FAM76A: variants seen among roughly 807,000 people sequenced by gnomAD.
The protein encoded by FAM76A is protein FAM76A.
A neutral mutation model predicts 46.2 loss-of-function variants in FAM76A; 32 were observed. The ratio of observed to expected loss-of-function variants is 0.69; its 90% confidence interval spans 0.52 to 0.93. FAM76A has a LOEUF of 0.93. Among genes scored for constraint, FAM76A ranks in the 40% least tolerant of loss-of-function variants. The pLI, the probability that FAM76A is intolerant of heterozygous loss-of-function variation, is 0.00. For synonymous variants in FAM76A, 137 were observed against 127.0 expected, an observed-to-expected ratio of 1.08 and a Z score of -0.53; for missense variants, 274 against 361.5, an observed-to-expected ratio of 0.76 and a Z score of 1.96.
chr1:27,726,260 G>A, intron 1 of FAM76A, 99 bp downstream of exon 1: 1 of 1,083,778 alleles, frequency 9.2e-7, no homozygotes, highest in Non-Finnish European at 1.2e-6. Flanking sequence ...CCCGGAGCAG[G>A]GTGTGGCAGG....
Position 27,759,551 on chromosome 1 carries a change from A to C in FAM76A, c.761A>C (p.Gln254Pro). Residue 254 changes from glutamine (Q) to proline (P), a missense_variant, in exon 8 of 9, where the codon CAG becomes CCG. Coordinates refer to ENST00000373954, the MANE Select transcript of FAM76A (RefSeq NM_152660.3). Reference sequence around the variant, plus strand: ...ATTACAGAGTTGAAGGCTGATTTTCAGTACCAGGAATCGCAGATGAGAGCC... The same window carrying C: ...ATTACAGAGTTGAAGGCTGATTTTCCGTACCAGGAATCGCAGATGAGAGCC... ...KKITELKADF[Q>P]YQESQMRAKM... The C allele has an allele frequency of 6.2e-7, 1 of 1,613,338 alleles. No homozygotes were observed. The highest frequency in any genetic ancestry group is 8.5e-7 in the Non-Finnish European group (1 of 1,179,712).
chr1:27,745,412 A>G (rs923148977), intron 5 of FAM76A, among the ~76,000 whole-genome samples: 2 of 152,122 alleles, frequency 1.3e-5, no homozygotes, highest in African/African-American at 4.8e-5. Flanking sequence ...GATTGTTTTT[A>G]TAACTGGCAT....
chr1:27,746,083 TA>T lies in FAM76A; in HGVS notation c.512+1275del, dbSNP rs75222472. 0.021 allele frequency among the ~76,000 whole-genome samples: 3,121 copies of T among 152,236 alleles called. 201 individuals are homozygous for T. In the East Asian group the frequency reaches 0.25, roughly 12 times the overall value. ...GAGGAAAAAGGGACTGGGGGCTAAT[TA>T]AAGGCTTTTTTCTAAGAGTTTGGGT... On this transcript the variant is annotated intron_variant, in intron 5 of 8. Coordinates refer to ENST00000373954, the MANE Select transcript of FAM76A (RefSeq NM_152660.3).
chr1:27,727,434 T>C, intron 1 of FAM76A, 38 bp from the exon 2 acceptor site: 4 of 1,581,286 alleles, frequency 2.5e-6, no homozygotes, highest in Non-Finnish European at 3.5e-6. Context: ...TTTCCATTTG[T>C]GACTGCCTTT....
intron 4 of FAM76A, chr1:27,739,352 A>G (rs762495294): frequency 3.0e-5 from 16 of 527,070 alleles, no homozygotes; most frequent in Non-Finnish European, 5.4e-5. Flanking sequence ...CAGTGCCTAC[A>G]CTACTTAAAT....
chr1:27,738,758 G>T (rs2088100729), intron 4 of FAM76A, among the ~76,000 whole-genome samples: 1 of 152,248 alleles, frequency 6.6e-6, no homozygotes, highest in Non-Finnish European at 1.5e-5. Context: ...TTAGATATTA[G>T]TGCTATAAAG....
intron 2 of FAM76A, among the ~76,000 whole-genome samples, chr1:27,727,974 G>A (rs897090788): frequency 6.6e-6 from 1 of 151,640 alleles, no homozygotes; most frequent in African/African-American, 2.4e-5. Flanking sequence ...TGTCCGGCTA[G>A]TTTTTTTGTA....
intron 4 of FAM76A, among the ~76,000 whole-genome samples, chr1:27,737,884 A>C (rs898547921): frequency 6.7e-6 from 1 of 149,574 alleles, no homozygotes; most frequent in South Asian, 2.1e-4. Flanking sequence ...AAAAAAAAAA[A>C]AAAAAAAACA....
At chr1:27,745,725 C>T (rs935672048) in intron 5 of FAM76A, among the ~76,000 whole-genome samples, 3 of 152,176 alleles carry the variant, frequency 2.0e-5, no homozygotes, top group African/African-American at 7.2e-5. Context: ...TGGAGAAGAG[C>T]TGGCATTAGA....
At chr1:27,742,672 A>G (rs1415477203) in intron 4 of FAM76A, among the ~76,000 whole-genome samples, 1 of 152,210 alleles carries the variant, frequency 6.6e-6, no homozygotes, top group African/African-American at 2.4e-5. Flanking sequence ...ATTGTACAAC[A>G]TGGTGATTAT....
intron 3 of FAM76A, 128 bp downstream of exon 3, chr1:27,732,785 T>C (rs1048653672): frequency 5.2e-6 from 3 of 580,144 alleles, no homozygotes; most frequent in African/African-American, 3.7e-5. Flanking sequence ...TATCTGATAC[T>C]GATTTCAGCT....
At chr1:27,741,842 C>A (rs569459488) in intron 4 of FAM76A, among the ~76,000 whole-genome samples, 32 of 150,828 alleles carry the variant, frequency 2.1e-4, no homozygotes, top group African/African-American at 7.6e-4. Flanking sequence ...AACACAGTGT[C>A]TCTGTGCTCC....
chr1:27,748,704 A>G (rs2088286050), intron 5 of FAM76A, among the ~76,000 whole-genome samples: 1 of 151,170 alleles, frequency 6.6e-6, no homozygotes, highest in South Asian at 2.1e-4. Flanking sequence ...GATGGTCTCA[A>G]TCTCCTGACC....
intron 6 of FAM76A, among the ~76,000 whole-genome samples, chr1:27,753,651 G>A (rs934170504): frequency 6.6e-6 from 1 of 152,106 alleles, no homozygotes; most frequent in Non-Finnish European, 1.5e-5. Context: ...TATTCTTGTC[G>A]ATTATTTATG....
intron 7 of FAM76A, among the ~76,000 whole-genome samples, chr1:27,757,278 T>G (rs2088426516): frequency 7.2e-6 from 1 of 138,524 alleles, no homozygotes. Flanking sequence ...CTGCAACCTC[T>G]GACTCCTGGG....
chr1:27,751,288 A>C (rs1455960290), intron 6 of FAM76A, among the ~76,000 whole-genome samples: 1 of 152,228 alleles, frequency 6.6e-6, no homozygotes, highest in African/African-American at 2.4e-5. Flanking sequence ...ATGTTCCTGC[A>C]TTAGCATTTT....
At chr1:27,757,502 G>A (rs1259630591) in intron 7 of FAM76A, among the ~76,000 whole-genome samples, 3 of 152,088 alleles carry the variant, frequency 2.0e-5, no homozygotes, top group East Asian at 1.9e-4. Context: ...CGAGTAGCTC[G>A]GATTACAGGC....
At chr1:27,746,998 C>T (rs1193582461) in intron 5 of FAM76A, among the ~76,000 whole-genome samples, 1 of 152,074 alleles carries the variant, frequency 6.6e-6, no homozygotes, top group Non-Finnish European at 1.5e-5. Context: ...CGCTTTAAGC[C>T]TTGGAGTTTG....
At chr1:27,749,265 C>A in intron 6 of FAM76A, 111 bp downstream of exon 6, 1 of 604,606 alleles carries the variant, frequency 1.7e-6, no homozygotes, top group Non-Finnish European at 2.8e-6. Flanking sequence ...GTCAGTGAAT[C>A]TTATAAGTAA....
Sources: allele counts gnomAD v4.1 joint callset (sites outside exome capture counted in the v4.1 genomes callset), GRCh38; gene constraint gnomAD v4.1.1; transcripts MANE v1.5; gene names NCBI Gene and HGNC (gene_info 2026-07-23, HGNC 2026-07-21).